SHISAL1: variants seen among roughly 807,000 people sequenced by gnomAD.
SHISAL1 encodes the protein shisa like 1, also known as protein shisa-like-1.
SHISAL1 carries 9 observed loss-of-function variants against 22.6 expected under a neutral mutation model. That is an observed-to-expected ratio of 0.40 (90% CI 0.24 to 0.70). The LOEUF (loss-of-function observed/expected upper bound fraction) is 0.70. Ranked by LOEUF, SHISAL1 falls within the 30% of genes least tolerant of loss-of-function variation. The probability of loss-of-function intolerance (pLI) is 0.39; values close to 1 mark genes in which losing one functional copy is unlikely to be tolerated. For synonymous variants in SHISAL1, 119 were observed against 115.4 expected, an observed-to-expected ratio of 1.03 and a Z score of -0.20; for missense variants, 246 against 270.6, an observed-to-expected ratio of 0.91 and a Z score of 0.64.
At chr22:44,302,232 T>C (rs113221926) in intron 1 of SHISAL1, among the ~76,000 whole-genome samples, 3,912 of 150,808 alleles carry the variant, frequency 0.026, 161 homozygotes, top group African/African-American at 0.091. Flanking sequence ...CCCAGCTACT[T>C]GGGAGGCCAA....
chr22:44,271,647 C>T (rs944900320), intron 4 of SHISAL1, among the ~76,000 whole-genome samples: 2 of 152,166 alleles, frequency 1.3e-5, no homozygotes, highest in Admixed American at 6.5e-5. Flanking sequence ...TGACCCATGT[C>T]GATGGAGATA....
intron 4 of SHISAL1, among the ~76,000 whole-genome samples, chr22:44,250,433 C>T (rs1012450755): frequency 1.2e-4 from 19 of 152,192 alleles, no homozygotes; most frequent in Non-Finnish European, 1.5e-5. Flanking sequence ...ATCTGCGGGG[C>T]ACTTACTTAT....
intron 2 of SHISAL1, among the ~76,000 whole-genome samples, chr22:44,298,841 C>T (rs2055406079): frequency 1.3e-5 from 2 of 152,318 alleles, no homozygotes; most frequent in East Asian, 1.9e-4. Context: ...CCAGCTCACC[C>T]GGCCACCACT....
chr22:44,312,336 T>A (rs959828427), intron 1 of SHISAL1, among the ~76,000 whole-genome samples: 3 of 152,128 alleles, frequency 2.0e-5, no homozygotes, highest in African/African-American at 7.2e-5. Context: ...CTCCAGGCCA[T>A]GACTAGGGCA....
intron 3 of SHISAL1, among the ~76,000 whole-genome samples, chr22:44,291,289 C>A (rs1052262503): frequency 6.6e-6 from 1 of 152,198 alleles, no homozygotes; most frequent in Non-Finnish European, 1.5e-5. Flanking sequence ...AGGAAGCCTT[C>A]GCTTCTCAAG....
At chr22:44,284,889 G>GCCTGCCTGCCTTCCTT (rs1569217634) in intron 4 of SHISAL1, among the ~76,000 whole-genome samples, 1 of 75,814 alleles carries the variant, frequency 1.3e-5, no homozygotes, top group Non-Finnish European at 2.6e-5. Context: ...CCACCTCTCT[G>GCCTGCCTGCCTTCCTT]CCTTCCTGCC....
At chr22:44,293,191 C>T (rs2055364686) in intron 3 of SHISAL1, among the ~76,000 whole-genome samples, 6 of 152,196 alleles carry the variant, frequency 3.9e-5, no homozygotes, top group Admixed American at 3.9e-4. Flanking sequence ...CACCACGCCC[C>T]CCTCCGCAGG....
chr22:44,267,274 C>T (rs773553162), intron 4 of SHISAL1, among the ~76,000 whole-genome samples: 4 of 152,158 alleles, frequency 2.6e-5, no homozygotes, highest in African/African-American at 4.8e-5. Context: ...AGTGGTCTCT[C>T]GGGGCATCTC....
intron 4 of SHISAL1, among the ~76,000 whole-genome samples, chr22:44,255,818 C>G (rs1441407132): frequency 6.6e-6 from 1 of 152,236 alleles, no homozygotes; most frequent in Non-Finnish European, 1.5e-5. Context: ...CATTTTCATT[C>G]TCTCCACTCC....
chr22:44,322,651 T>C, the SHISAL1 span, among the ~76,000 whole-genome samples: 1 of 152,170 alleles, frequency 6.6e-6, no homozygotes, highest in African/African-American at 2.4e-5. Flanking sequence ...TTGCCTATGC[T>C]GAAGCTGAGG....
At chr22:44,284,429 T>A (rs1308543990) in intron 4 of SHISAL1, among the ~76,000 whole-genome samples, 1 of 152,138 alleles carries the variant, frequency 6.6e-6, no homozygotes, top group African/African-American at 2.4e-5. Flanking sequence ...TTAGGTTACC[T>A]GCAAAGCTCC....
At position 44,246,701 on chromosome 22, in the gene SHISAL1, C is replaced by CTGTTCTCACCT. The variant is rs139338739; in HGVS notation, c.*2973_*2983dup. 0.061 allele frequency: 9,355 copies of CTGTTCTCACCT among 152,272 alleles called. 355 individuals carry two copies. The highest frequency in any genetic ancestry group is 0.092 in the East Asian group (476 of 5,170). 9.4% of individuals were successfully genotyped at this position (152,272 alleles called of 1,614,324 possible). On this transcript the variant is annotated 3_prime_UTR_variant, in exon 5 of 5. Transcript: ENST00000381176. ...CTGAGTGTTCACACCCACATGCACA[C>CTGTTCTCACCT]TGTTCTCACCTGTCGGCTCCTCTGT...
chr22:44,286,587 G>T (rs1254047980), intron 3 of SHISAL1, among the ~76,000 whole-genome samples: 2 of 152,054 alleles, frequency 1.3e-5, no homozygotes, highest in Non-Finnish European at 2.9e-5. Context: ...GCCCTTTGTC[G>T]AAGATCACTT....
chr22:44,326,768 G>A, the SHISAL1 span, among the ~76,000 whole-genome samples: 1 of 152,102 alleles, frequency 6.6e-6, no homozygotes, highest in African/African-American at 2.4e-5. Flanking sequence ...TCAGGTTGAT[G>A]TCGAAAAATA....
Position 44,285,655 on chromosome 22 carries a change from G to A in SHISAL1, c.372C>T (p.Asn124=). The A allele has an allele frequency of 1.2e-6, 2 of 1,614,228 alleles. No individual in the cohort carries two copies. The highest frequency in any genetic ancestry group is 1.7e-6 in the Non-Finnish European group (2 of 1,180,026). ...VLDLLYYSAM[N]YDICKVYLAR... ...CCAGGTAGACCTTGCAGATGTCGTAGTTCATTGCCGAGTAATACAAAAGGT... is the reference window on the plus strand; with the variant it reads ...CCAGGTAGACCTTGCAGATGTCGTAATTCATTGCCGAGTAATACAAAAGGT... Residue 124 remains asparagine (N), a synonymous_variant, in exon 4 of 5, where the codon AAC becomes AAT. Coordinates refer to ENST00000381176, the MANE Select transcript of SHISAL1 (RefSeq NM_001099294.2).
intron 3 of SHISAL1, among the ~76,000 whole-genome samples, chr22:44,292,220 G>A (rs1420511771): frequency 6.6e-6 from 1 of 152,180 alleles, no homozygotes; most frequent in African/African-American, 2.4e-5. Context: ...CGATGGGGGA[G>A]GACCAGGAGC....
At chr22:44,286,095 G>A (rs1224866933) in intron 3 of SHISAL1, among the ~76,000 whole-genome samples, 3 of 152,148 alleles carry the variant, frequency 2.0e-5, no homozygotes, top group African/African-American at 7.2e-5. Context: ...CCTTTACCTG[G>A]TGCTGTTTTG....
chr22:44,292,956 G>C lies in SHISAL1; in HGVS notation c.281+3716C>G, dbSNP rs1025800339. Among the ~76,000 whole-genome samples the C allele has an allele frequency of 2.0e-5, 3 of 152,222 alleles. No homozygotes were observed. In the South Asian group the frequency reaches 6.2e-4, roughly 31 times the overall value. On this transcript the variant is annotated intron_variant, in intron 3 of 4. Coordinates refer to ENST00000381176, the MANE Select transcript of SHISAL1 (RefSeq NM_001099294.2). ...CCATGCATGGCCTATGCAGCCTCAAGCCATTTAAGGCCCTCCAGGGACGCT... is the reference window on the plus strand; with the variant it reads ...CCATGCATGGCCTATGCAGCCTCAACCCATTTAAGGCCCTCCAGGGACGCT...
At chr22:44,305,105 C>T (rs1268211130) in intron 1 of SHISAL1, among the ~76,000 whole-genome samples, 1 of 152,224 alleles carries the variant, frequency 6.6e-6, no homozygotes, top group Non-Finnish European at 1.5e-5. Flanking sequence ...TTCAGTACTA[C>T]CTCCTCCAGG....
Sources: allele counts gnomAD v4.1 joint callset (sites outside exome capture counted in the v4.1 genomes callset), GRCh38; gene constraint gnomAD v4.1.1; transcripts MANE v1.5; gene names NCBI Gene and HGNC (gene_info 2026-07-23, HGNC 2026-07-21).